The following RPAP3 variants were observed in gnomAD, a reference collection of about 807,000 sequenced individuals.
RPAP3 encodes RNA polymerase II associated protein 3, also known as RNA polymerase II-associated protein 3.
Under a neutral mutation model 88.8 loss-of-function variants are expected in RPAP3, and 58 were observed. That is an observed-to-expected ratio of 0.65 (90% CI 0.53 to 0.81). The LOEUF (loss-of-function observed/expected upper bound fraction) is 0.81. Ranked by LOEUF, RPAP3 falls within the 40% of genes least tolerant of loss-of-function variation. The pLI, the probability that RPAP3 is intolerant of heterozygous loss-of-function variation, is 0.00. For synonymous variants in RPAP3, 255 were observed against 259.9 expected (o/e 0.98, Z 0.18); for missense variants, 751 against 764.3 (o/e 0.98, Z 0.20).
At chr12:47,701,178 GATAA>G (rs1180145678) in intron 3 of RPAP3, 3 of 207,010 alleles carry the variant, frequency 1.4e-5, no homozygotes, top group African/African-American at 2.3e-5. Flanking sequence ...GAGCACACTG[GATAA>G]ATAAATAGTA....
intron 12 of RPAP3, among the ~76,000 whole-genome samples, chr12:47,675,621 A>G (rs900520093): frequency 5.9e-5 from 9 of 152,208 alleles, no homozygotes; most frequent in Admixed American, 3.3e-4. Context: ...CAGATGTTAA[A>G]CCAACAAAGA....
At chr12:47,677,377 CG>C (rs1400795609) in intron 12 of RPAP3, among the ~76,000 whole-genome samples, 1 of 151,914 alleles carries the variant, frequency 6.6e-6, no homozygotes, top group Non-Finnish European at 1.5e-5. Context: ...AACACAATGT[CG>C]GAAGTTCTGG....
At chr12:47,690,880 A>C (rs1303406669) in intron 5 of RPAP3, among the ~76,000 whole-genome samples, 1 of 152,254 alleles carries the variant, frequency 6.6e-6, no homozygotes, top group African/African-American at 2.4e-5. Flanking sequence ...CTAGTCACAC[A>C]AATTTTTTGG....
chr12:47,705,793 T>C (rs1324065973), intron 1 of RPAP3, among the ~76,000 whole-genome samples, 159 bp downstream of exon 1: 2 of 152,130 alleles, frequency 1.3e-5, no homozygotes, highest in Non-Finnish European at 1.5e-5. Context: ...GAGACGCCGC[T>C]GCCCTGGACA....
intron 13 of RPAP3, 132 bp downstream of exon 13, chr12:47,669,975 A>C: frequency 1.6e-6 from 1 of 609,788 alleles, no homozygotes; most frequent in Non-Finnish European, 2.9e-6. Flanking sequence ...CAAAAAAGAA[A>C]AGCTAGAAAC....
Position 47,697,513 on chromosome 12 carries a change from C to A in RPAP3, c.417+84G>T. On this transcript the variant is annotated intron_variant, in intron 4 of 16. Transcript: ENST00000005386. ...CATAAAGTTTAAACACGTACTAAAACTATGCTCAAGAAACTTTACGATCCA... is the reference window on the plus strand; with the variant it reads ...CATAAAGTTTAAACACGTACTAAAAATATGCTCAAGAAACTTTACGATCCA... The A allele has an allele frequency of 3.8e-6, 5 of 1,315,040 alleles. No individual in the cohort carries two copies. In the South Asian group the frequency reaches 7.0e-5, roughly 18 times the overall value. 81.5% of individuals were successfully genotyped at this position (1,315,040 alleles called of 1,614,324 possible). A position where few individuals can be genotyped will look rare whatever the true frequency, so the allele number is the denominator to read the frequency against.
intron 5 of RPAP3, among the ~76,000 whole-genome samples, 168 bp from the exon 6 acceptor site, chr12:47,690,807 T>A (rs1003205809): frequency 6.6e-6 from 1 of 152,260 alleles, no homozygotes; most frequent in Non-Finnish European, 1.5e-5. Context: ...AATACTGCCA[T>A]TGCTCAAAGA....
chr12:47,696,185 G>T, intron 5 of RPAP3, 91 bp downstream of exon 5: 1 of 1,079,518 alleles, frequency 9.3e-7, no homozygotes, highest in Non-Finnish European at 1.3e-6. Flanking sequence ...TTTTCAATCT[G>T]TCCTCCACAC....
intron 5 of RPAP3, 90 bp downstream of exon 5, chr12:47,696,186 T>A (rs1939522035): frequency 2.8e-6 from 3 of 1,084,252 alleles, no homozygotes; most frequent in African/African-American, 3.3e-5. Flanking sequence ...TTTCAATCTG[T>A]CCTCCACACT....
chr12:47,702,585 A>T, intron 2 of RPAP3, 103 bp downstream of exon 2: 4 of 887,706 alleles, frequency 4.5e-6, no homozygotes, highest in Non-Finnish European at 5.0e-6. Flanking sequence ...ACAGTGAAGC[A>T]AGTCACTTCA....
At chr12:47,703,966 A>C (rs1230593700) in intron 1 of RPAP3, among the ~76,000 whole-genome samples, 2 of 152,234 alleles carry the variant, frequency 1.3e-5, no homozygotes, top group Non-Finnish European at 2.9e-5. Context: ...AAAGGAAAAG[A>C]GGCATCAAAG....
chr12:47,665,495 G>A (rs1203526444), intron 16 of RPAP3, among the ~76,000 whole-genome samples: 1 of 151,090 alleles, frequency 6.6e-6, no homozygotes, highest in Non-Finnish European at 1.5e-5. Flanking sequence ...TAAAAGATGA[G>A]GTCAAAACAG....
At chr12:47,676,583 G>A (rs1180579279) in intron 12 of RPAP3, among the ~76,000 whole-genome samples, 1 of 152,138 alleles carries the variant, frequency 6.6e-6, no homozygotes, top group African/African-American at 2.4e-5. Flanking sequence ...TGATCCCACA[G>A]AAATACAAAC....
intron 16 of RPAP3, chr12:47,664,904 A>G (rs921528195): frequency 6.6e-6 from 1 of 152,190 alleles, no homozygotes. Flanking sequence ...GTAATATATT[A>G]CGAAGAGAAA....
chr12:47,668,098 G>A (rs1386762553), intron 14 of RPAP3, among the ~76,000 whole-genome samples: 1 of 152,148 alleles, frequency 6.6e-6, no homozygotes, highest in African/African-American at 2.4e-5. Flanking sequence ...CGGAGACTGA[G>A]GCAGGAGAAT....
Position 47,667,834 on chromosome 12 carries a change from C to T in RPAP3, c.1731G>A (p.Leu577=). ...YQYLKQIEPS[L]YPKLFQKNLD... ...GATTTTTCTGAAACAACTTAGGATA[C>T]AAAGATGGTTCAATTTGCTTGAAAA... is the stretch of plus-strand genomic sequence containing the variant. The change falls in exon 15 of 17, where the codon TTG becomes TTA. Residue 577 remains leucine (L), a synonymous_variant. Coordinates refer to ENST00000005386, the MANE Select transcript of RPAP3 (RefSeq NM_024604.3). 1.2e-5 allele frequency: 19 copies of T among 1,593,706 alleles called. No individual in the cohort carries two copies. The highest frequency in any genetic ancestry group is 1.6e-5 in the Non-Finnish European group (19 of 1,167,374).
intron 6 of RPAP3, among the ~76,000 whole-genome samples, chr12:47,689,618 CG>C (rs1281767821): frequency 6.6e-6 from 1 of 152,134 alleles, no homozygotes; most frequent in Non-Finnish European, 1.5e-5. Flanking sequence ...GGACTACAGG[CG>C]TAAGCCACTG....
intron 9 of RPAP3, among the ~76,000 whole-genome samples, chr12:47,684,737 T>C (rs1212848270): frequency 1.3e-5 from 2 of 152,218 alleles, no homozygotes; most frequent in Admixed American, 1.3e-4. Flanking sequence ...ACTCTTAGCA[T>C]TAGTCAAACC....
chr12:47,694,227 G>A (rs1939480163), intron 5 of RPAP3, among the ~76,000 whole-genome samples: 1 of 152,136 alleles, frequency 6.6e-6, no homozygotes, highest in South Asian at 2.1e-4. Flanking sequence ...TGGATGTAAG[G>A]ACAGGCAACA....
Sources: gnomAD v4.1 joint callset for allele counts (sites outside exome capture counted in the v4.1 genomes callset) on GRCh38, gnomAD v4.1.1 for gene constraint, MANE v1.5 for transcripts, NCBI Gene and HGNC (gene_info 2026-07-23, HGNC 2026-07-21) for gene names.